ELAVL3: variants seen among roughly 807,000 people sequenced by gnomAD.
ELAVL3 encodes ELAV-like protein 3.
Under a neutral mutation model 34.2 loss-of-function variants are expected in ELAVL3, and 8 were observed. That is an observed-to-expected ratio of 0.23 (90% CI 0.14 to 0.42). The LOEUF (loss-of-function observed/expected upper bound fraction) is 0.42, where lower values mean the gene tolerates loss of function less well. ELAVL3 is among the 10% of genes least tolerant of loss of function. The pLI, the probability that ELAVL3 is intolerant of heterozygous loss-of-function variation, is 1.00. For missense variants in ELAVL3, 273 were observed against 518.8 expected, an observed-to-expected ratio of 0.53 and a Z score of 4.60; for synonymous variants, 209 against 222.1, an observed-to-expected ratio of 0.94 and a Z score of 0.53.
At chr19:11,473,586 T>G (rs1971208706) in intron 1 of ELAVL3, among the ~76,000 whole-genome samples, 1 of 152,250 alleles carries the variant, frequency 6.6e-6, no homozygotes, top group Non-Finnish European at 1.5e-5. Flanking sequence ...CAAAGCACTC[T>G]ACATGCAAGT....
chr19:11,473,312 C>T (rs1008934756), intron 1 of ELAVL3, among the ~76,000 whole-genome samples: 6 of 152,040 alleles, frequency 3.9e-5, no homozygotes, highest in Non-Finnish European at 8.8e-5. Context: ...TTGCAATGAG[C>T]CGAGATCGCA....
rs778955437 is a variant in ELAVL3, at chr19:11,454,570, C to A, written c.1060G>T (p.Val354Leu). 5 of 1,613,892 alleles carry A rather than the reference C, an allele frequency of 3.1e-6. No individual in the cohort carries two copies. Among genetic ancestry groups the A allele is most frequent in the Non-Finnish European group, 4.2e-6 (5 of 1,179,868 alleles). ...CTGGTCTTGAAGGAGACCTGCAGCA[C>A]GCGCTCGCCCAGGCGATAGCCGTTC... ...SLNGYRLGER[V>L]LQVSFKTSKQ... Residue 354 changes from valine to leucine, a missense_variant, in exon 7 of 7, where the codon GTG (valine) becomes TTG (leucine). Physicochemically the swap from Val to Leu is conservative, Grantham distance 32 (BLOSUM62 1). Transcript: ENST00000359227. This position sits in a 1 kb window ranked among gnomAD's most constrained non-coding sequence, Gnocchi z 9.2.
At position 11,452,935 on chromosome 19, in the gene ELAVL3, A is replaced by G. The variant is rs1183901625; in HGVS notation, c.*1591T>C. The G allele has an allele frequency of 6.6e-6, 1 of 152,188 alleles. No homozygotes were observed. The highest frequency in any genetic ancestry group is 1.5e-5 in the Non-Finnish European group (1 of 68,062). 9.4% of individuals were successfully genotyped at this position (152,188 alleles called of 1,614,324 possible). A position where few individuals can be genotyped will look rare whatever the true frequency, so the allele number is the denominator to read the frequency against. On this transcript the variant is annotated 3_prime_UTR_variant, in exon 7 of 7. Coordinates refer to ENST00000359227, the MANE Select transcript of ELAVL3 (RefSeq NM_001420.4). ...GGGGCTGTGTCCACTGCAATCTGGA[A>G]AGACGAAAAACCCAACAAACCGAAA...
At chr19:11,459,835 C>T (rs1970846623) in intron 3 of ELAVL3, among the ~76,000 whole-genome samples, 1 of 152,054 alleles carries the variant, frequency 6.6e-6, no homozygotes. Flanking sequence ...CATCCTCCCA[C>T]CTCAGCCTCC....
intron 3 of ELAVL3, among the ~76,000 whole-genome samples, chr19:11,462,374 C>A (rs1057197754): frequency 3.3e-5 from 5 of 151,958 alleles, no homozygotes; most frequent in Non-Finnish European, 5.9e-5. Context: ...CGGTGGCTCA[C>A]GCCTGTAATC....
chr19:11,459,276 C>A (rs1970835209), intron 3 of ELAVL3, among the ~76,000 whole-genome samples: 1 of 152,024 alleles, frequency 6.6e-6, no homozygotes, highest in Non-Finnish European at 1.5e-5. Context: ...GCGCCCACCA[C>A]CACGCCTAGC....
chr19:11,479,506 G>C (rs1971328662), intron 1 of ELAVL3, among the ~76,000 whole-genome samples: 1 of 152,228 alleles, frequency 6.6e-6, no homozygotes, highest in Non-Finnish European at 1.5e-5. Context: ...AAGGACGCGC[G>C]GCGGCGCGGG....
chr19:11,474,685 GC>G (rs1312830326), intron 1 of ELAVL3, among the ~76,000 whole-genome samples: 9 of 152,206 alleles, frequency 5.9e-5, no homozygotes, highest in Admixed American at 2.0e-4. Context: ...ATGTTGTCCA[GC>G]CTGGAGTGCA....
chr19:11,457,188 C>T lies in ELAVL3; in HGVS notation c.714-40G>A, dbSNP rs200195861. 1,038 of 1,540,362 alleles carry T rather than the reference C, an allele frequency of 6.7e-4. 12 individuals are homozygous for T. In the African/African-American group the frequency reaches 0.013, roughly 20 times the overall value. On this transcript the variant is annotated intron_variant, in intron 5 of 6. Transcript: ENST00000359227. ...GTGGTGGTCAGAGGTGGCTTCCAGTCACGCCCCCCTGCTGTGACACCGTCG... is the reference window on the plus strand; with the variant it reads ...GTGGTGGTCAGAGGTGGCTTCCAGTTACGCCCCCCTGCTGTGACACCGTCG...
rs893734914 is a variant in ELAVL3, at chr19:11,480,515, C to G, written c.9+85G>C. On this transcript the variant is annotated intron_variant, in intron 1 of 6. Coordinates refer to ENST00000359227, the MANE Select transcript of ELAVL3 (RefSeq NM_001420.4). The surrounding 1 kb of genome is among the most constrained non-coding windows in gnomAD (Gnocchi z 6.8). ...CCTAGCTAGGCCTGGTCCTACCCCCCCCGCCGCACCCGCCCAATCTCCGCG... is the reference window on the plus strand; with the variant it reads ...CCTAGCTAGGCCTGGTCCTACCCCCGCCGCCGCACCCGCCCAATCTCCGCG... 4.2e-6 allele frequency: 6 copies of G among 1,414,078 alleles called. No homozygotes were observed. Among genetic ancestry groups the G allele is most frequent in the African/African-American group, 3.0e-5 (2 of 67,126 alleles). The allele number at this position is 1,414,078 out of a possible 1,614,324, so 87.6% of individuals were successfully genotyped here.
At chr19:11,469,188 A>G (rs182202895) in intron 1 of ELAVL3, among the ~76,000 whole-genome samples, 44 of 152,194 alleles carry the variant, frequency 2.9e-4, no homozygotes, top group Admixed American at 1.5e-3. Context: ...TTGGCCTCCC[A>G]TAGTGTTGGA....
At chr19:11,469,944 A>G (rs1384503772) in intron 1 of ELAVL3, among the ~76,000 whole-genome samples, 1 of 152,200 alleles carries the variant, frequency 6.6e-6, no homozygotes, top group East Asian at 1.9e-4. Context: ...TGTAGCAAAG[A>G]TACTTGGGAG....
Position 11,453,644 on chromosome 19 carries a change from A to G in ELAVL3, c.*882T>C, listed in dbSNP as rs1368727555. ...CCTGTCCACGTGTCTGAGTTTGGCC[A>G]ACCAGTCCCTTAACGTGTCTGGGGC... On this transcript the variant is annotated 3_prime_UTR_variant, in exon 7 of 7. Coordinates refer to ENST00000359227, the MANE Select transcript of ELAVL3 (RefSeq NM_001420.4). 1.3e-5 allele frequency: 2 copies of G among 152,818 alleles called. No homozygotes were observed. Among genetic ancestry groups the G allele is most frequent in the East Asian group, 1.9e-4 (1 of 5,178 alleles). The allele number at this position is 152,818 out of a possible 1,614,324, so 9.5% of individuals were successfully genotyped here. A position where few individuals can be genotyped will look rare whatever the true frequency, so the allele number is the denominator to read the frequency against.
At chr19:11,464,123 G>GTCTCTCTCTCTCTGTCTCTC (rs1970951848) in intron 3 of ELAVL3, among the ~76,000 whole-genome samples, 5 of 110,958 alleles carry the variant, frequency 4.5e-5, no homozygotes, top group African/African-American at 2.0e-4. Flanking sequence ...GTCTCTCTCT[G>GTCTCTCTCTCTCTGTCTCTC]TCTCTCTCTC....
In ELAVL3 at chr19:11,451,494, C is replaced by CTTTTTTTTTTTTTT. The variant is rs950823031; in HGVS notation, c.*3018_*3031dup. On this transcript the variant is annotated 3_prime_UTR_variant, in exon 7 of 7. Coordinates refer to ENST00000359227, the MANE Select transcript of ELAVL3 (RefSeq NM_001420.4). ...TTTTTTTTTTTGTCTTTTGTTTTGT[C>CTTTTTTTTTTTTTT]TTTTTTTTTTTTTTTTTTTTTACAG... 32 of 65,500 alleles carry CTTTTTTTTTTTTTT rather than the reference C, an allele frequency of 4.9e-4. No homozygotes were observed. The highest frequency in any genetic ancestry group is 0.011 in the Middle Eastern group (1 of 92). The allele number at this position is 65,500 out of a possible 1,614,324, so 4.1% of individuals were successfully genotyped here.
chr19:11,461,295 T>C (rs1970878789), intron 3 of ELAVL3, among the ~76,000 whole-genome samples: 2 of 152,184 alleles, frequency 1.3e-5, no homozygotes, highest in Non-Finnish European at 2.9e-5. Flanking sequence ...GGGAATATTG[T>C]GTGACCTTGT....
chr19:11,461,179 TAA>T (rs555482832), intron 3 of ELAVL3, among the ~76,000 whole-genome samples: 1 of 143,258 alleles, frequency 7.0e-6, no homozygotes. Context: ...ACCCTGTCTC[TAA>T]AAAAAAAAAG....
At position 11,480,526 on chromosome 19, in the gene ELAVL3, C is replaced by A; in HGVS notation, c.9+74G>T. On this transcript the variant is annotated intron_variant, in intron 1 of 6. Coordinates refer to ENST00000359227, the MANE Select transcript of ELAVL3 (RefSeq NM_001420.4). This position sits in a 1 kb window ranked among gnomAD's most constrained non-coding sequence, Gnocchi z 6.8. ...CTGGTCCTACCCCCCCCGCCGCACCCGCCCAATCTCCGCGGAGCCTGGGCC... is the reference window on the plus strand; with the variant it reads ...CTGGTCCTACCCCCCCCGCCGCACCAGCCCAATCTCCGCGGAGCCTGGGCC... 6.8e-7 allele frequency: 1 copy of A among 1,468,122 alleles called. No homozygotes were observed. The highest frequency in any genetic ancestry group is 9.0e-7 in the Non-Finnish European group (1 of 1,109,398). The allele number at this position is 1,468,122 out of a possible 1,614,324, so 90.9% of individuals were successfully genotyped here. A position where few individuals can be genotyped will look rare whatever the true frequency, so the allele number is the denominator to read the frequency against.
rs1970788658 is a variant in ELAVL3 at position 11,457,268 on chromosome 19, T to TGCCTGCTCCCCGCCC, written c.714-135_714-121dup. On this transcript the variant is annotated intron_variant, in intron 5 of 6. Coordinates refer to ENST00000359227, the MANE Select transcript of ELAVL3 (RefSeq NM_001420.4). ...CCTGCAGCAGAGCCCTGCCCCCGCC[T>TGCCTGCTCCCCGCCC]GCCTGCTCCCCGCCCGCCCGGCTAG... 20 of 960,958 alleles carry TGCCTGCTCCCCGCCC rather than the reference T, an allele frequency of 2.1e-5. 1 individual carries two copies. Among genetic ancestry groups the TGCCTGCTCCCCGCCC allele is most frequent in the Middle Eastern group, 6.6e-4 (2 of 3,034 alleles). 59.5% of individuals were successfully genotyped at this position (960,958 alleles called of 1,614,324 possible).
Sources: allele counts gnomAD v4.1 joint callset (sites outside exome capture counted in the v4.1 genomes callset), GRCh38; gene constraint gnomAD v4.1.1; non-coding constraint Gnocchi (gnomAD v3.1); transcripts MANE v1.5; gene names NCBI Gene and HGNC (gene_info 2026-07-23, HGNC 2026-07-21).